The following USP33 variants were observed in gnomAD, a reference collection of about 807,000 sequenced individuals.
The protein encoded by USP33 is ubiquitin carboxyl-terminal hydrolase 33.
Under a neutral mutation model 124.2 loss-of-function variants are expected in USP33, and 46 were observed. The observed-to-expected ratio is 0.37, with a 90% confidence interval of 0.29 to 0.47. The LOEUF (loss-of-function observed/expected upper bound fraction) is 0.47. USP33 is among the 20% of genes least tolerant of loss of function. The probability of loss-of-function intolerance (pLI) is 0.99; values close to 1 mark genes in which losing one functional copy is unlikely to be tolerated. For synonymous variants in USP33, 350 were observed against 352.3 expected, an observed-to-expected ratio of 0.99 and a Z score of 0.07; for missense variants, 851 against 1,070.6, an observed-to-expected ratio of 0.79 and a Z score of 2.86.
At chr1:77,734,634 T>C (rs926557566) in intron 6 of USP33, among the ~76,000 whole-genome samples, 4 of 152,168 alleles carry the variant, frequency 2.6e-5, no homozygotes. Flanking sequence ...ACTTTGAAAT[T>C]TGCACAGGAA....
intron 5 of USP33, among the ~76,000 whole-genome samples, chr1:77,738,661 T>C (rs1678761257): frequency 6.6e-6 from 1 of 152,080 alleles, no homozygotes; most frequent in Non-Finnish European, 1.5e-5. Flanking sequence ...TTTGTATTTT[T>C]AGTAGAGACG....
At chr1:77,701,497 T>TATCTAAAA in intron 21 of USP33, 26 bp from the exon 22 acceptor site, 1 of 1,567,480 alleles carries the variant, frequency 6.4e-7, no homozygotes, top group Non-Finnish European at 8.7e-7. Flanking sequence ...AAAACAGTCA[T>TATCTAAAA]CTAATATCTA....
chr1:77,754,164 A>T (rs1350413709), intron 1 of USP33, among the ~76,000 whole-genome samples: 1 of 152,218 alleles, frequency 6.6e-6, no homozygotes, highest in Non-Finnish European at 1.5e-5. Flanking sequence ...GCTTCAAAGG[A>T]CAGCAAGCAC....
chr1:77,731,814 T>G (rs1677848955), intron 7 of USP33, among the ~76,000 whole-genome samples: 1 of 152,124 alleles, frequency 6.6e-6, no homozygotes, highest in African/African-American at 2.4e-5. Flanking sequence ...GACTCAGAAT[T>G]TTGTCCCTGC....
At chr1:77,697,622 T>C (rs1215373270) in intron 23 of USP33, 148 bp from the exon 24 acceptor site, 1 of 1,030,172 alleles carries the variant, frequency 9.7e-7, no homozygotes, top group East Asian at 2.6e-5. Context: ...CATATTGTTA[T>C]AAGCTGAAAC....
At chr1:77,728,075 T>C (rs929948180) in intron 10 of USP33, among the ~76,000 whole-genome samples, 1 of 152,230 alleles carries the variant, frequency 6.6e-6, no homozygotes, top group Non-Finnish European at 1.5e-5. Flanking sequence ...AGACATCTGA[T>C]GAAATGTTTA....
At chr1:77,735,338 AT>A (rs1329223296) in intron 6 of USP33, among the ~76,000 whole-genome samples, 4 of 152,196 alleles carry the variant, frequency 2.6e-5, no homozygotes, top group Non-Finnish European at 2.9e-5. Context: ...TATAAATGCT[AT>A]TTGGATTTGG....
intron 4 of USP33, 57 bp downstream of exon 4, chr1:77,740,820 C>T: frequency 1.6e-6 from 2 of 1,230,132 alleles, no homozygotes; most frequent in Non-Finnish European, 1.2e-6. Flanking sequence ...ACTGGCTTTC[C>T]CTTTCCTTCA....
chr1:77,705,468 T>C (rs1212907761), intron 21 of USP33, among the ~76,000 whole-genome samples: 1 of 152,092 alleles, frequency 6.6e-6, no homozygotes, highest in Non-Finnish European at 1.5e-5. Context: ...GTGCTGGGAT[T>C]ACAGGCATGA....
intron 1 of USP33, among the ~76,000 whole-genome samples, chr1:77,757,290 G>A (rs749719205): frequency 6.6e-6 from 1 of 152,120 alleles, no homozygotes; most frequent in Non-Finnish European, 1.5e-5. Flanking sequence ...CAGAAACCAC[G>A]TTTCATTCTT....
chr1:77,721,600 A>T, intron 14 of USP33: 1 of 515,308 alleles, frequency 1.9e-6, no homozygotes, highest in South Asian at 2.4e-5. Context: ...GCTTTAAAAC[A>T]TTTCACTTAT....
chr1:77,755,172 T>C (rs1680682120), intron 1 of USP33, among the ~76,000 whole-genome samples: 1 of 152,162 alleles, frequency 6.6e-6, no homozygotes, highest in African/African-American at 2.4e-5. Context: ...ATTAAAAATA[T>C]TCATGTAAAC....
intron 5 of USP33, among the ~76,000 whole-genome samples, chr1:77,737,910 A>C (rs1468450730): frequency 1.3e-5 from 2 of 152,180 alleles, no homozygotes; most frequent in Admixed American, 6.5e-5. Context: ...CTTTTTTAAA[A>C]CTTTTTCTAC....
Position 77,717,876 on chromosome 1 carries a change from T to C in USP33, c.1909A>G (p.Thr637Ala). The C allele has an allele frequency of 6.2e-7, 1 of 1,608,876 alleles. No individual in the cohort carries two copies. Among genetic ancestry groups the C allele is most frequent in the Middle Eastern group, 1.7e-4 (1 of 6,028 alleles). Residue 637 changes from threonine (T) to alanine (A), a missense_variant, in exon 17 of 24, where the codon ACT becomes GCT. By Grantham distance (58) the Thr-to-Ala change is moderately conservative (BLOSUM62 0). This residue lies in a region of USP33 where 281 missense variants were observed against 425.0 expected (regional missense o/e 0.66). Coordinates refer to ENST00000370794, the MANE Select transcript of USP33 (RefSeq NM_201624.3). ...DLLSVICHHG[T>A]ASSGHYIAYC... The stretch of plus-strand genomic sequence containing the variant: ...AAACCTATATACTTACTACTTGCAG[T>C]TCCATGATGGCAAATGACTGACAGA...
chr1:77,755,189 G>GA (rs2101621464), intron 1 of USP33, among the ~76,000 whole-genome samples: 1 of 152,130 alleles, frequency 6.6e-6, no homozygotes, highest in African/African-American at 2.4e-5. Context: ...AAACCACATA[G>GA]AAACATGGAA....
rs1379833717 is a variant in USP33, at chr1:77,696,775, C to T, written c.*542G>A. 1 of 152,146 alleles carries T rather than the reference C, an allele frequency of 6.6e-6. No individual in the cohort carries two copies. Among genetic ancestry groups the T allele is most frequent in the African/African-American group, 2.4e-5 (1 of 41,404 alleles). 9.4% of individuals were successfully genotyped at this position (152,146 alleles called of 1,614,324 possible). ...ATAACCTACTGATTTCACAATTGTC[C>T]CTCCTCTTTCAAAAATATTACACTG... On this transcript the variant is annotated 3_prime_UTR_variant, in exon 24 of 24. Coordinates refer to ENST00000370794, the MANE Select transcript of USP33 (RefSeq NM_201624.3).
intron 21 of USP33, among the ~76,000 whole-genome samples, chr1:77,703,891 C>G (rs1257652368): frequency 7.2e-5 from 11 of 152,100 alleles, no homozygotes. Flanking sequence ...GTGGCACATC[C>G]CTATAGTCCC....
intron 22 of USP33, among the ~76,000 whole-genome samples, chr1:77,699,955 C>A (rs1037569024): frequency 6.6e-6 from 1 of 152,084 alleles, no homozygotes; most frequent in Non-Finnish European, 1.5e-5. Context: ...GAAAACCAAA[C>A]ACTGCATGTT....
At chr1:77,713,697 A>G (rs777279980) in intron 19 of USP33, among the ~76,000 whole-genome samples, 4 of 148,772 alleles carry the variant, frequency 2.7e-5, no homozygotes, top group Non-Finnish European at 5.9e-5. Context: ...GTGTCTGGCC[A>G]TTTTTTTGAG....
Sources: allele counts gnomAD v4.1 joint callset (sites outside exome capture counted in the v4.1 genomes callset), GRCh38; gene constraint gnomAD v4.1.1; regional missense constraint gnomAD v4.1.1; transcripts MANE v1.5; gene names NCBI Gene and HGNC (gene_info 2026-07-23, HGNC 2026-07-21).